Variants in ADGRD1 observed in about 807,000 individuals in gnomAD.
ADGRD1 encodes the protein adhesion G protein-coupled receptor D1.
A neutral mutation model predicts 113.4 loss-of-function variants in ADGRD1; 77 were observed. The ratio of observed to expected loss-of-function variants is 0.68; its 90% CI spans 0.57 to 0.82. ADGRD1 has a LOEUF of 0.82. Among genes scored for constraint, ADGRD1 ranks in the 40% least tolerant of loss-of-function variants. The pLI is 0.00. For missense variants in ADGRD1, 1,036 were observed against 1,139.1 expected, an observed-to-expected ratio of 0.91 and a Z score of 1.30; for synonymous variants, 474 against 475.0, an observed-to-expected ratio of 1.00 and a Z score of 0.03.
rs1369368124 is a variant in ADGRD1 at position 130,996,640 on chromosome 12, G to T, written c.967-3743G>T. Among the ~76,000 whole-genome samples, 231 of 102,576 alleles carry T rather than the reference G, an allele frequency of 2.3e-3. 12 individuals are homozygous for T. Among genetic ancestry groups the T allele is most frequent in the African/African-American group, 8.6e-3 (219 of 25,482 alleles). The allele number at this position is 102,576 out of a possible 152,430, so 67.3% of individuals were successfully genotyped here. On this transcript the variant is annotated intron_variant, in intron 8 of 24. Coordinates refer to ENST00000261654, the MANE Select transcript of ADGRD1 (RefSeq NM_198827.5). ...GCGCCCCTCACCTCCCGGACGAGGC[G>T]GCTGGCCGGGCGGGGGGCTGACCCC... is the stretch of plus-strand genomic sequence containing the variant.
intron 7 of ADGRD1, 90 bp from the exon 8 acceptor site, chr12:130,992,147 G>A: frequency 1.1e-6 from 1 of 938,802 alleles, no homozygotes; most frequent in African/African-American, 1.7e-5. Context: ...ATTAAAAAAA[G>A]CATTCGACCC....
chr12:130,957,579 T>C (rs933460092), intron 2 of ADGRD1: 1 of 152,328 alleles, frequency 6.6e-6, no homozygotes, highest in African/African-American at 2.4e-5. Context: ...CGTACACATA[T>C]GTACACACAC....
intron 13 of ADGRD1, among the ~76,000 whole-genome samples, chr12:131,071,283 AAGG>A (rs1044655438): frequency 7.5e-6 from 1 of 132,806 alleles, no homozygotes; most frequent in Non-Finnish European, 1.6e-5. Context: ...GGCTAAGTGA[AAGG>A]AGGTGGAGCC....
chr12:131,097,547 GCTACGGCTGC>G (rs910906504), intron 15 of ADGRD1, among the ~76,000 whole-genome samples: 1 of 152,214 alleles, frequency 6.6e-6, no homozygotes, highest in African/African-American at 2.4e-5. Flanking sequence ...GCTGGCACAT[GCTACGGCTGC>G]CTACGGCCAG....
At chr12:131,047,043 C>G (rs1297268639) in intron 13 of ADGRD1, among the ~76,000 whole-genome samples, 1 of 151,590 alleles carries the variant, frequency 6.6e-6, no homozygotes, top group African/African-American at 2.4e-5. Context: ...CAGTGTCCTC[C>G]CTGGTCAGTG....
intron 13 of ADGRD1, among the ~76,000 whole-genome samples, chr12:131,072,337 T>C (rs1885252228): frequency 6.6e-6 from 1 of 152,182 alleles, no homozygotes; most frequent in African/African-American, 2.4e-5. Flanking sequence ...GACAGCAAAC[T>C]GAAGCTTCTT....
Position 131,000,396 on chromosome 12 carries a change from C to T in ADGRD1, c.980C>T (p.Ala327Val). 6.2e-7 allele frequency: 1 copy of T among 1,612,934 alleles called. No homozygotes were observed. Among genetic ancestry groups the T allele is most frequent in the East Asian group, 2.2e-5 (1 of 44,860 alleles). ...GTCCACCTTTAGACCTTCTTAAAAG[C>T]CGTGGGAGAGATCCTTCTACTGCCT... is the stretch of plus-strand genomic sequence containing the variant. ...ALNLTKTFLK[A>V]VGEILLLPGW... The change falls in exon 9 of 25, where the codon GCC (alanine) becomes GTC (valine). Residue 327 changes from alanine to valine, a missense_variant. Transcript: ENST00000261654.
intron 18 of ADGRD1, among the ~76,000 whole-genome samples, chr12:131,116,074 C>A (rs1950456479): frequency 6.6e-6 from 1 of 152,200 alleles, no homozygotes; most frequent in South Asian, 2.1e-4. Flanking sequence ...GGAATGTTTT[C>A]TTCTTAAAAA....
intron 12 of ADGRD1, among the ~76,000 whole-genome samples, chr12:131,008,578 C>T (rs898875084): frequency 7.9e-5 from 12 of 152,176 alleles, no homozygotes; most frequent in Non-Finnish European, 1.6e-4. Flanking sequence ...CCTGTGATGA[C>T]GGAGGGGATG....
In ADGRD1 at chr12:130,966,663, C is replaced by A; in HGVS notation, c.187+117C>A. On this transcript the variant is annotated intron_variant, in intron 3 of 24. Transcript: ENST00000261654. The surrounding 1 kb of genome is among the most constrained non-coding windows in gnomAD (Gnocchi z 4.6). ...CCAGGGCCATTGGGGGACGTGGGTG[C>A]TGAGAGTGACTGTGGGCCGGGGAAT... 1.4e-6 allele frequency: 1 copy of A among 707,360 alleles called. No individual in the cohort carries two copies. The highest frequency in any genetic ancestry group is 1.5e-5 in the South Asian group (1 of 64,896). The allele number at this position is 707,360 out of a possible 1,614,324, so 43.8% of individuals were successfully genotyped here.
chr12:131,136,481 C>T (rs1951089421), intron 22 of ADGRD1, among the ~76,000 whole-genome samples: 1 of 152,220 alleles, frequency 6.6e-6, no homozygotes, highest in Non-Finnish European at 1.5e-5. Flanking sequence ...CAGGGCGGTC[C>T]CCCAGGTGCT....
chr12:130,968,778 A>G, intron 3 of ADGRD1: 1 of 578,316 alleles, frequency 1.7e-6, no homozygotes, highest in Non-Finnish European at 3.1e-6. Flanking sequence ...GAGTGGGGCC[A>G]CTGGAGTGGC....
rs1039131861 is a variant in ADGRD1 at position 131,084,139 on chromosome 12, T to C, written c.1548-401T>C. On this transcript the variant is annotated intron_variant, in intron 14 of 24. Coordinates refer to ENST00000261654, the MANE Select transcript of ADGRD1 (RefSeq NM_198827.5). This position sits in a 1 kb window ranked among gnomAD's most constrained non-coding sequence, Gnocchi z 4.5. ...TGGGCATTTATGTTACCGTCACTCA[T>C]GATTCAGTGACTGGGCTTGAATGTG... Among the ~76,000 whole-genome samples, 3 of 152,230 alleles carry C rather than the reference T, an allele frequency of 2.0e-5. No individual in the cohort carries two copies. Among genetic ancestry groups the C allele is most frequent in the African/African-American group, 7.2e-5 (3 of 41,462 alleles).
chr12:131,129,169 A>G (rs1488305817), intron 20 of ADGRD1, among the ~76,000 whole-genome samples: 1 of 123,140 alleles, frequency 8.1e-6, no homozygotes, highest in Non-Finnish European at 1.7e-5. Context: ...TCTGAGTGTG[A>G]GTGACAGGCC....
chr12:131,125,673 T>TA (rs1950723520), intron 20 of ADGRD1, among the ~76,000 whole-genome samples: 1 of 152,186 alleles, frequency 6.6e-6, no homozygotes, highest in East Asian at 1.9e-4. Context: ...TAGATACAGA[T>TA]ATATACAGAT....
chr12:131,024,929 G>A (rs536958340), intron 13 of ADGRD1, among the ~76,000 whole-genome samples: 3 of 152,330 alleles, frequency 2.0e-5, no homozygotes, highest in South Asian at 2.1e-4. Flanking sequence ...GCTGTGGCCC[G>A]AGGGCAGGGA....
rs1442475306 is a variant in ADGRD1 at position 131,004,199 on chromosome 12, C to T, written c.1158C>T (p.Ala386=). ...GSSAMAEFSV[A]KILPKTVNSS... ...CTTCCACCGCAGAGTTTTCCGTGGC[C>T]AAAATCCTGCCCAAGACCGTGAATT... Residue 386 remains alanine (A), a synonymous_variant, in exon 11 of 25, where the codon GCC becomes GCT. Transcript: ENST00000261654. 6.2e-7 allele frequency: 1 copy of T among 1,613,644 alleles called. No homozygotes were observed. The highest frequency in any genetic ancestry group is 1.1e-5 in the South Asian group (1 of 91,044).
At chr12:131,037,149 G>A (rs61936927) in intron 13 of ADGRD1, among the ~76,000 whole-genome samples, 12,941 of 68,540 alleles carry the variant, frequency 0.19, 1,037 homozygotes, top group Non-Finnish European at 0.24. Flanking sequence ...CCTCACTCAC[G>A]GCACCGGGCC....
chr12:130,980,109 CTTT>C (rs1294294152), intron 4 of ADGRD1, among the ~76,000 whole-genome samples: 1 of 144,834 alleles, frequency 6.9e-6, no homozygotes, highest in Admixed American at 6.9e-5. Context: ...TGCGGTTCCT[CTTT>C]TTTTTTTTTT....
Sources: gnomAD v4.1 joint callset for allele counts (sites outside exome capture counted in the v4.1 genomes callset) on GRCh38, gnomAD v4.1.1 for gene constraint, Gnocchi (gnomAD v3.1) non-coding constraint, MANE v1.5 for transcripts, NCBI Gene and HGNC (gene_info 2026-07-23, HGNC 2026-07-21) for gene names.